Variants in VPS13D observed in about 807,000 individuals in gnomAD.
VPS13D encodes the protein vacuolar protein sorting 13 homolog D.
VPS13D carries 187 observed loss-of-function variants against 461.9 expected under a neutral mutation model. The ratio of observed to expected loss-of-function variants is 0.40; its 90% CI spans 0.36 to 0.46. The LOEUF (loss-of-function observed/expected upper bound fraction) is 0.46. Ranked by LOEUF, VPS13D falls within the 20% of genes least tolerant of loss-of-function variation. The probability of loss-of-function intolerance (pLI) is 0.60; values close to 1 mark genes in which losing one functional copy is unlikely to be tolerated. For synonymous variants in VPS13D, 1,951 were observed against 1,986.3 expected, an observed-to-expected ratio of 0.98 and a Z score of 0.47; for missense variants, 4,711 against 5,364.9, an observed-to-expected ratio of 0.88 and a Z score of 3.81.
At position 12,293,613 on chromosome 1, in the gene VPS13D, G is replaced by T. The variant is rs762865200; in HGVS notation, c.5942G>T (p.Arg1981Leu). The stretch of plus-strand genomic sequence containing the variant: ...TCTGTGCAGTATGTGCATACTCAGC[G>T]TTTCCAGGCAGAGGTGGTGGCCTTC... ...MASVQYVHTQ[R>L]FQAEVVAFIQ... The change falls in exon 24 of 70, where the codon CGT (arginine) becomes CTT (leucine). Residue 1981 changes from arginine (R) to leucine (L), a missense_variant. By Grantham distance (102) the Arg-to-Leu change is moderately radical. This residue lies in a region of VPS13D where 4,411 missense variants were observed against 4,937.8 expected (regional missense o/e 0.89). Coordinates refer to ENST00000620676, the MANE Select transcript of VPS13D (RefSeq NM_015378.4). 1.2e-6 allele frequency: 2 copies of T among 1,614,162 alleles called. No homozygotes were observed. The highest frequency in any genetic ancestry group is 2.7e-5 in the African/African-American group (2 of 75,046).
chr1:12,296,186 G>A (rs1642270417), intron 24 of VPS13D, among the ~76,000 whole-genome samples: 1 of 152,182 alleles, frequency 6.6e-6, no homozygotes, highest in Admixed American at 6.5e-5. Context: ...ATACCTGGCA[G>A]TGGAATTACT....
Position 12,505,845 on chromosome 1 carries a change from G to A in VPS13D, c.12795-1008G>A, listed in dbSNP as rs564004239. On this transcript the variant is annotated intron_variant, in intron 68 of 69. Transcript: ENST00000620676. The surrounding 1 kb of genome is among the most constrained non-coding windows in gnomAD (Gnocchi z 4.2). ...CGTCCTGCACGGACCCCAAGTGAGC[G>A]AGGGCCCGGCAGCCTGCTCCCCTCG... Among the ~76,000 whole-genome samples the A allele has an allele frequency of 1.1e-4, 16 of 152,288 alleles. No individual in the cohort carries two copies. The highest frequency in any genetic ancestry group is 3.6e-4 in the African/African-American group (15 of 41,562).
Position 12,231,922 on chromosome 1 carries a change from C to T in VPS13D, c.-77+1802C>T, listed in dbSNP as rs188606940. Among the ~76,000 whole-genome samples the T allele has an allele frequency of 5.9e-3, 902 of 152,116 alleles. 14 individuals carry two copies. The highest frequency in any genetic ancestry group is 0.021 in the African/African-American group (855 of 41,506). Reference sequence around the variant, plus strand: ...AGAATCGCTTGAACCCAGGAGATGGCGGTTGCAGTGAGCCGAGATCCGAGA... The same window carrying T: ...AGAATCGCTTGAACCCAGGAGATGGTGGTTGCAGTGAGCCGAGATCCGAGA... On this transcript the variant is annotated intron_variant, in intron 1 of 69. Coordinates refer to ENST00000620676, the MANE Select transcript of VPS13D (RefSeq NM_015378.4).
At chr1:12,315,387 T>C (rs1297023742) in intron 30 of VPS13D, among the ~76,000 whole-genome samples, 2 of 152,234 alleles carry the variant, frequency 1.3e-5, no homozygotes, top group Non-Finnish European at 2.9e-5. Flanking sequence ...TTCATATGCC[T>C]TTAGGAAATC....
At chr1:12,457,843 T>C (rs1174380706) in intron 66 of VPS13D, among the ~76,000 whole-genome samples, 1 of 152,234 alleles carries the variant, frequency 6.6e-6, no homozygotes, top group Non-Finnish European at 1.5e-5. Context: ...AAGTAATTTG[T>C]TTATGGATTT....
chr1:12,316,676 C>T (rs1428040197), intron 30 of VPS13D, among the ~76,000 whole-genome samples: 1 of 152,190 alleles, frequency 6.6e-6, no homozygotes, highest in East Asian at 1.9e-4. Context: ...AAACCAGCCT[C>T]AGAAATATTT....
chr1:12,240,886 G>A (rs1403154531), intron 2 of VPS13D, among the ~76,000 whole-genome samples: 1 of 151,980 alleles, frequency 6.6e-6, no homozygotes, highest in Non-Finnish European at 1.5e-5. Context: ...TAAATTGATT[G>A]TATTTGTTCA....
chr1:12,284,417 C>T lies in VPS13D; in HGVS notation c.5634+681C>T, dbSNP rs369412190. The stretch of plus-strand genomic sequence containing the variant: ...GGTAGCCATTATTATTTTTATATTA[C>T]ATGGATTACCATACTTATAACTTGT... On this transcript the variant is annotated intron_variant, in intron 21 of 69. Coordinates refer to ENST00000620676, the MANE Select transcript of VPS13D (RefSeq NM_015378.4). Among the ~76,000 whole-genome samples the T allele has an allele frequency of 2.6e-4, 40 of 152,306 alleles. 3 individuals carry two copies. The highest frequency in any genetic ancestry group is 2.1e-3 in the Admixed American group (32 of 15,300).
At chr1:12,489,103 T>G (rs1645842071) in intron 67 of VPS13D, among the ~76,000 whole-genome samples, 2 of 152,230 alleles carry the variant, frequency 1.3e-5, no homozygotes, top group South Asian at 4.1e-4. Context: ...TTTCTTGGAA[T>G]TCTTTATAAA....
intron 23 of VPS13D, among the ~76,000 whole-genome samples, chr1:12,291,334 CAG>C (rs1318398965): frequency 6.6e-6 from 1 of 152,114 alleles, no homozygotes; most frequent in Non-Finnish European, 1.5e-5. Flanking sequence ...GCTTCATAAA[CAG>C]ATGGGGTATG....
At position 12,321,822 on chromosome 1, in the gene VPS13D, G is replaced by C; in HGVS notation, c.7562G>C (p.Arg2521Pro). Residue 2521 changes from arginine (R) to proline (P), a missense_variant, in exon 33 of 70, where the codon CGA becomes CCA. Physicochemically the swap from Arg to Pro is moderately radical, Grantham distance 103. Around this residue, in one of 3 missense-constraint regions of VPS13D, gnomAD observed 4,411 missense variants for 4,937.8 expected, o/e 0.89. Coordinates refer to ENST00000620676, the MANE Select transcript of VPS13D (RefSeq NM_015378.4). Reference protein sequence around the residue: ...SLFGIEVFSCRLGNEHDTALS... With the variant: ...SLFGIEVFSCPLGNEHDTALS... Reference sequence around the variant, plus strand: ...TTCATTCTGTAGGTGTTTTCATGCCGACTAGGGAATGAGCATGATACAGCT... The same window carrying C: ...TTCATTCTGTAGGTGTTTTCATGCCCACTAGGGAATGAGCATGATACAGCT... 2 of 1,600,920 alleles carry C rather than the reference G, an allele frequency of 1.2e-6. No individual in the cohort carries two copies. Among genetic ancestry groups the C allele is most frequent in the Non-Finnish European group, 1.7e-6 (2 of 1,176,138 alleles).
chr1:12,288,157 C>T lies in VPS13D; in HGVS notation c.5635-66C>T, dbSNP rs147651777. ...TTTGCATTTTCCTTGATTGCTCTGC[C>T]GTTTTCCTGAAAGATACCTTTTCTC... On this transcript the variant is annotated intron_variant, in intron 21 of 69. Transcript: ENST00000620676. The T allele has an allele frequency of 8.6e-4, 1,183 of 1,381,124 alleles. 13 individuals are homozygous for T. The East Asian group carries it at 0.022, about 26-fold the overall frequency. The allele number at this position is 1,381,124 out of a possible 1,614,324, so 85.6% of individuals were successfully genotyped here. A position where few individuals can be genotyped will look rare whatever the true frequency, so the allele number is the denominator to read the frequency against.
At chr1:12,479,813 C>T (rs1265480974) in intron 67 of VPS13D, among the ~76,000 whole-genome samples, 1 of 152,052 alleles carries the variant, frequency 6.6e-6, no homozygotes, top group Non-Finnish European at 1.5e-5. Flanking sequence ...TGCCTATAGC[C>T]CAGAAGATTT....
At chr1:12,433,034 G>A (rs1000623454) in intron 65 of VPS13D, among the ~76,000 whole-genome samples, 5 of 152,110 alleles carry the variant, frequency 3.3e-5, no homozygotes, top group African/African-American at 1.2e-4. Flanking sequence ...TTCTCTCCTG[G>A]TAACTTAGAA....
At chr1:12,423,027 G>A (rs1644882131) in intron 65 of VPS13D, among the ~76,000 whole-genome samples, 2 of 152,212 alleles carry the variant, frequency 1.3e-5, no homozygotes, top group South Asian at 2.1e-4. Flanking sequence ...CACAAAGCAG[G>A]CCCTCAGGAA....
chr1:12,495,887 G>A lies in VPS13D; in HGVS notation c.12663-1613G>A, dbSNP rs901310759. Among the ~76,000 whole-genome samples the A allele has an allele frequency of 4.6e-5, 7 of 152,194 alleles. No homozygotes were observed. Among genetic ancestry groups the A allele is most frequent in the South Asian group, 2.1e-4 (1 of 4,830 alleles). On this transcript the variant is annotated intron_variant, in intron 67 of 69. Transcript: ENST00000620676. The surrounding 1 kb of genome is among the most constrained non-coding windows in gnomAD (Gnocchi z 4.0). The stretch of plus-strand genomic sequence containing the variant: ...GGAGATAAGAACAGAGCTCTGCTAC[G>A]TGGAGAGGCACGCCAAGCTCCTTCC...
At chr1:12,414,767 G>C (rs1392726092) in intron 63 of VPS13D, among the ~76,000 whole-genome samples, 2 of 152,170 alleles carry the variant, frequency 1.3e-5, no homozygotes, top group Non-Finnish European at 2.9e-5. Context: ...ATACTTTTCT[G>C]TGTGTGTGGT....
intron 65 of VPS13D, among the ~76,000 whole-genome samples, chr1:12,442,445 T>C (rs1282811068): frequency 6.6e-6 from 1 of 152,146 alleles, no homozygotes; most frequent in African/African-American, 2.4e-5. Context: ...TGAAACAAAC[T>C]TATATTGTGT....
At position 12,344,908 on chromosome 1, in the gene VPS13D, G is replaced by A. The variant is rs140723215; in HGVS notation, c.8886-466G>A. 163 of 154,970 alleles carry A rather than the reference G, an allele frequency of 1.1e-3. 1 individual carries two copies. The East Asian group carries it at 0.019, about 18-fold the overall frequency. The allele number at this position is 154,970 out of a possible 1,614,324, so 9.6% of individuals were successfully genotyped here. Reference sequence around the variant, plus strand: ...ATGAGCGCTGTGCCTCTCCTGCCCTGTCTGTAGTCACGTAGGGCTGGAGCC... The same window carrying A: ...ATGAGCGCTGTGCCTCTCCTGCCCTATCTGTAGTCACGTAGGGCTGGAGCC... On this transcript the variant is annotated intron_variant, in intron 42 of 69. Transcript: ENST00000620676.
Sources: allele counts gnomAD v4.1 joint callset (sites outside exome capture counted in the v4.1 genomes callset), GRCh38; gene constraint gnomAD v4.1.1; regional missense constraint gnomAD v4.1.1; non-coding constraint Gnocchi (gnomAD v3.1); transcripts MANE v1.5; gene names NCBI Gene and HGNC (gene_info 2026-07-23, HGNC 2026-07-21).